NHS: variants seen among roughly 807,000 people sequenced by gnomAD.
NHS encodes the protein actin remodeling regulator NHS.
In NHS, 5 loss-of-function variants were observed where a neutral mutation model predicts 72.5. That is an observed-to-expected ratio of 0.07 (90% CI 0.04 to 0.14). The LOEUF is 0.14. NHS is among the 10% of genes least tolerant of loss of function. NHS has a pLI of 1.00. For missense variants in NHS, 1,072 were observed against 1,355.7 expected, an observed-to-expected ratio of 0.79 and a Z score of 3.29; for synonymous variants, 464 against 547.7, an observed-to-expected ratio of 0.85 and a Z score of 2.13.
chrX:17,642,801 G>A (rs911844011), intron 1 of NHS, among the ~76,000 whole-genome samples: 8 of 112,292 alleles, frequency 7.1e-5, no homozygotes, highest in African/African-American at 9.7e-5. Flanking sequence ...TATTCACTCC[G>A]GTTATTTTGA....
At chrX:17,420,342 G>T (rs914855623) in intron 1 of NHS, among the ~76,000 whole-genome samples, 2 of 111,508 alleles carry the variant, frequency 1.8e-5, no homozygotes, top group Non-Finnish European at 3.8e-5. Flanking sequence ...ACTTATCCAA[G>T]AATCCATTCA....
intron 1 of NHS, among the ~76,000 whole-genome samples, chrX:17,396,149 G>A (rs1472039072): frequency 2.7e-5 from 3 of 111,789 alleles, no homozygotes; most frequent in Non-Finnish European, 5.7e-5. Flanking sequence ...CTCTGGAAGG[G>A]TATATACCAA....
At chrX:17,389,987 T>A (rs1449137597) in intron 1 of NHS, among the ~76,000 whole-genome samples, 1 of 112,148 alleles carries the variant, frequency 8.9e-6, no homozygotes, top group Non-Finnish European at 1.9e-5. Flanking sequence ...CTCTGGTACA[T>A]TTCTAAGTAG....
At chrX:17,704,447 C>T (rs1347839924) in intron 3 of NHS, among the ~76,000 whole-genome samples, 6 of 109,748 alleles carry the variant, frequency 5.5e-5, no homozygotes, top group Non-Finnish European at 1.1e-4. Context: ...ATTACAGTTA[C>T]GCGCCACCAC....
In NHS at chrX:17,375,773, C is replaced by T; in HGVS notation, c.16C>T (p.Arg6Trp). 1 of 1,153,495 alleles carries T rather than the reference C, an allele frequency of 8.7e-7. No homozygotes were observed. Among genetic ancestry groups the T allele is most frequent in the Non-Finnish European group, 1.1e-6 (1 of 872,321 alleles). Residue 6 changes from arginine (R) to tryptophan (W), a missense_variant, in exon 1 of 9, where the codon CGG becomes TGG. Arg to Trp is a moderately radical substitution (Grantham distance 101). Coordinates refer to ENST00000676302, the MANE Select transcript of NHS (RefSeq NM_001291867.2). The stretch of plus-strand genomic sequence containing the variant: ...GCTGCGCGGGATGCCTTTCGCCAAG[C>T]GGATCGTGGAGCCGCAATGGCTGTG... The part of the protein sequence containing the change: MPFAK[R>W]IVEPQWLCRQ...
intron 1 of NHS, among the ~76,000 whole-genome samples, chrX:17,448,998 C>T (rs2064794598): frequency 8.9e-6 from 1 of 112,536 alleles, no homozygotes; most frequent in African/African-American, 3.2e-5. Flanking sequence ...CAGGTACTGT[C>T]GTTGTCTCCA....
chrX:17,525,960 C>T lies in NHS; in HGVS notation c.565+149638C>T, dbSNP rs1018805. Among the ~76,000 whole-genome samples the T allele has an allele frequency of 7.7e-3, 863 of 111,753 alleles. 5 individuals carry two copies. The highest frequency in any genetic ancestry group is 0.027 in the African/African-American group (828 of 30,739). ...CTTACAGATGAACCAATGCTAGTTACTCCTGTGATGAGTGATCTAGAGCAG... is the reference window on the plus strand; with the variant it reads ...CTTACAGATGAACCAATGCTAGTTATTCCTGTGATGAGTGATCTAGAGCAG... On this transcript the variant is annotated intron_variant, in intron 1 of 8. Coordinates refer to ENST00000676302, the MANE Select transcript of NHS (RefSeq NM_001291867.2).
chrX:17,615,227 C>CT (rs1233854878), intron 1 of NHS, among the ~76,000 whole-genome samples: 1 of 86,631 alleles, frequency 1.2e-5, no homozygotes, highest in Non-Finnish European at 2.1e-5. Flanking sequence ...TATATATACA[C>CT]ATATATATAC....
At chrX:17,641,545 A>C (rs762391094) in intron 1 of NHS, among the ~76,000 whole-genome samples, 17 of 111,651 alleles carry the variant, frequency 1.5e-4, no homozygotes, top group Admixed American at 1.9e-4. Context: ...AAGGGCAAAA[A>C]TCCAATTTCT....
chrX:17,407,436 A>G (rs2064534434), intron 1 of NHS, among the ~76,000 whole-genome samples: 2 of 111,392 alleles, frequency 1.8e-5, no homozygotes, highest in African/African-American at 6.5e-5. Flanking sequence ...TCCAACAGTG[A>G]ACTTATGGGT....
intron 8 of NHS, among the ~76,000 whole-genome samples, chrX:17,730,605 T>C (rs1341920499): frequency 1.8e-5 from 2 of 112,298 alleles, no homozygotes; most frequent in Non-Finnish European, 1.9e-5. Context: ...AACTGAGTCA[T>C]ACTGAAGATC....
chrX:17,525,641 T>TC (rs1395627412), intron 1 of NHS, among the ~76,000 whole-genome samples: 1 of 100,592 alleles, frequency 9.9e-6, no homozygotes, highest in East Asian at 2.9e-4. Context: ...TTCTTTTCTT[T>TC]TTTTTTTTTT....
intron 1 of NHS, among the ~76,000 whole-genome samples, chrX:17,482,375 C>T (rs1004674330): frequency 8.9e-6 from 1 of 111,989 alleles, no homozygotes; most frequent in African/African-American, 3.2e-5. Context: ...AAGGTGAGCT[C>T]CATTTCCTCT....
At chrX:17,664,092 TA>T (rs2065996691) in intron 1 of NHS, among the ~76,000 whole-genome samples, 1 of 112,053 alleles carries the variant, frequency 8.9e-6, no homozygotes, top group Admixed American at 9.4e-5. Context: ...ATACACTGAG[TA>T]AAAGTTCTTT....
intron 1 of NHS, among the ~76,000 whole-genome samples, chrX:17,420,821 T>G (rs1193233616): frequency 8.9e-6 from 1 of 111,793 alleles, no homozygotes; most frequent in African/African-American, 3.2e-5. Context: ...AAATGTGTAT[T>G]GGCATTCTTT....
intron 1 of NHS, among the ~76,000 whole-genome samples, chrX:17,468,372 G>A (rs750890554): frequency 1.8e-5 from 2 of 110,401 alleles, no homozygotes; most frequent in East Asian, 5.7e-4. Flanking sequence ...AAGGTGTCTC[G>A]CAGTGTGGAA....
intron 1 of NHS, among the ~76,000 whole-genome samples, chrX:17,607,466 A>C (rs1208126019): frequency 8.9e-6 from 1 of 111,740 alleles, no homozygotes; most frequent in Non-Finnish European, 1.9e-5. Flanking sequence ...ACTCAGGAAT[A>C]GGAAAATAAG....
rs764278646 is a variant in NHS, at chrX:17,438,336, G to A, written c.565+62014G>A. Among the ~76,000 whole-genome samples, 24 of 112,393 alleles carry A rather than the reference G, an allele frequency of 2.1e-4. No homozygotes were observed. The East Asian group carries it at 4.5e-3, about 21-fold the overall frequency. ...GGCCCCACGGCCAGTTAGCTGGATC[G>A]CTGTATCCAGCAACTGATACCTACT... On this transcript the variant is annotated intron_variant, in intron 1 of 8. Transcript: ENST00000676302.
At chrX:17,505,567 A>G (rs773494629) in intron 1 of NHS, among the ~76,000 whole-genome samples, 19 of 111,614 alleles carry the variant, frequency 1.7e-4, no homozygotes, top group African/African-American at 5.5e-4. Context: ...TTTACTTTAC[A>G]GAATACAGAT....
Sources: gnomAD v4.1 joint callset for allele counts (sites outside exome capture counted in the v4.1 genomes callset) on GRCh38, gnomAD v4.1.1 for gene constraint, MANE v1.5 for transcripts, NCBI Gene and HGNC (gene_info 2026-07-23, HGNC 2026-07-21) for gene names.